The following TTC17 variants were observed in gnomAD, a reference collection of about 807,000 sequenced individuals.
TTC17 encodes tetratricopeptide repeat protein 17.
TTC17 carries 58 observed loss-of-function variants against 143.8 expected under a neutral mutation model. The observed-to-expected ratio is 0.40, with a 90% CI of 0.33 to 0.50. The LOEUF is 0.50. Ranked by LOEUF, TTC17 falls within the 20% of genes least tolerant of loss-of-function variation. The probability of loss-of-function intolerance (pLI) is 0.49; values close to 1 mark genes in which losing one functional copy is unlikely to be tolerated. For missense variants in TTC17, 1,273 were observed against 1,392.5 expected (o/e 0.91, Z 1.37); for synonymous variants, 501 against 497.8 (o/e 1.01, Z -0.09).
At chr11:43,437,846 C>G (rs1947326124) in intron 16 of TTC17, among the ~76,000 whole-genome samples, 1 of 152,178 alleles carries the variant, frequency 6.6e-6, no homozygotes, top group African/African-American at 2.4e-5. Context: ...GTTTGCTTTT[C>G]TGGGTTATCT....
chr11:43,461,115 T>C (rs1947856387), intron 21 of TTC17, among the ~76,000 whole-genome samples: 1 of 152,324 alleles, frequency 6.6e-6, no homozygotes, highest in African/African-American at 2.4e-5. Context: ...CCGGGCGCGG[T>C]GGCTCACGCC....
Position 43,493,991 on chromosome 11 carries a change from T to C in TTC17, c.*87T>C. 6.9e-7 allele frequency: 1 copy of C among 1,439,374 alleles called. No individual in the cohort carries two copies. Among genetic ancestry groups the C allele is most frequent in the African/African-American group, 1.4e-5 (1 of 70,098 alleles). 89.2% of individuals were successfully genotyped at this position (1,439,374 alleles called of 1,614,324 possible). On this transcript the variant is annotated 3_prime_UTR_variant, in exon 24 of 24. Coordinates refer to ENST00000039989, the MANE Select transcript of TTC17 (RefSeq NM_018259.6). ...AACCAATCATTGTCAGTATCTACTA[T>C]TAATGATGTGTGTGAAAATAACTAA...
intron 1 of TTC17, among the ~76,000 whole-genome samples, chr11:43,371,456 A>G (rs1856564401): frequency 6.6e-6 from 1 of 152,194 alleles, no homozygotes; most frequent in African/African-American, 2.4e-5. Flanking sequence ...CTGGTTTATT[A>G]TATTAGAAAA....
intron 16 of TTC17, chr11:43,436,182 C>A: frequency 1.4e-6 from 2 of 1,422,252 alleles, no homozygotes; most frequent in Non-Finnish European, 1.8e-6. Flanking sequence ...CATGAGAAAA[C>A]CCTGGACAAC....
intron 3 of TTC17, 112 bp from the exon 4 acceptor site, chr11:43,391,353 C>T (rs922605434): frequency 2.9e-6 from 2 of 693,012 alleles, no homozygotes; most frequent in African/African-American, 1.9e-5. Flanking sequence ...GAGCTGTGAT[C>T]ATGCCACTGC....
intron 21 of TTC17, chr11:43,486,336 C>T (rs948935666): frequency 2.7e-5 from 11 of 405,936 alleles, no homozygotes; most frequent in African/African-American, 4.0e-5. Flanking sequence ...TGTGAATCAT[C>T]GTGTAGAAGC....
At chr11:43,408,068 A>G (rs1227818463) in intron 15 of TTC17, among the ~76,000 whole-genome samples, 2 of 152,134 alleles carry the variant, frequency 1.3e-5, no homozygotes, top group East Asian at 1.9e-4. Context: ...ATGGAGTTAC[A>G]TCAGTGCTTT....
At chr11:43,379,686 A>C (rs1226410704) in intron 2 of TTC17, among the ~76,000 whole-genome samples, 2 of 152,210 alleles carry the variant, frequency 1.3e-5, no homozygotes, top group African/African-American at 2.4e-5. Flanking sequence ...GAAAAGAAAG[A>C]AAGGTTTTAA....
At chr11:43,433,239 T>G (rs1404828450) in intron 16 of TTC17, among the ~76,000 whole-genome samples, 1 of 152,184 alleles carries the variant, frequency 6.6e-6, no homozygotes, top group African/African-American at 2.4e-5. Flanking sequence ...GACCTCGTGA[T>G]CCGCCTTCCT....
chr11:43,359,104 C>T lies in TTC17; in HGVS notation c.150C>T (p.Ile50=), dbSNP rs1206680715. ...GGGTCGTCACGGAGGACGGGAAAAT[C>T]CAGCAGCAGGTAGCGGCCGGGGCGT... ...THWVVTEDGK[I]QQQVDSPMNL... The change falls in exon 1 of 24, where the codon ATC becomes ATT. Residue 50 remains isoleucine (I), a synonymous_variant. Coordinates refer to ENST00000039989, the MANE Select transcript of TTC17 (RefSeq NM_018259.6). The T allele has an allele frequency of 6.3e-7, 1 of 1,585,874 alleles. No homozygotes were observed. Among genetic ancestry groups the T allele is most frequent in the Admixed American group, 1.8e-5 (1 of 56,700 alleles).
intron 18 of TTC17, chr11:43,445,968 A>T: frequency 6.6e-7 from 1 of 1,505,066 alleles, no homozygotes; most frequent in Non-Finnish European, 8.9e-7. Flanking sequence ...TGCCATAGAC[A>T]TAATGTAACT....
chr11:43,479,410 G>C (rs757511745), intron 21 of TTC17, among the ~76,000 whole-genome samples: 2 of 152,256 alleles, frequency 1.3e-5, no homozygotes, highest in Non-Finnish European at 2.9e-5. Context: ...GTGTAAGTCA[G>C]ATATTCAGTT....
chr11:43,478,089 A>G (rs1030620294), intron 21 of TTC17, among the ~76,000 whole-genome samples: 4 of 152,220 alleles, frequency 2.6e-5, no homozygotes, highest in Admixed American at 6.5e-5. Flanking sequence ...GTGAGAAATA[A>G]CAGGGAACAA....
intron 21 of TTC17, chr11:43,468,053 TATC>T (rs1948015438): frequency 6.6e-6 from 1 of 152,128 alleles, no homozygotes; most frequent in Non-Finnish European, 1.5e-5. Flanking sequence ...CTTACTAGAA[TATC>T]ATAGCAAATT....
Position 43,399,993 on chromosome 11 carries a change from G to C in TTC17, c.1164G>C (p.Glu388Asp). The C allele has an allele frequency of 6.2e-7, 1 of 1,613,948 alleles. No homozygotes were observed. Among genetic ancestry groups the C allele is most frequent in the Non-Finnish European group, 8.5e-7 (1 of 1,179,912 alleles). Reference protein sequence around the residue: ...ILEKHKLIQEEQILRNIIHET... With the variant: ...ILEKHKLIQEDQILRNIIHET... ...AAAAACATAAACTGATTCAGGAGGA[G>C]CAAATCTTAAGAAATATCATTCATG... is the stretch of plus-strand genomic sequence containing the variant. Residue 388 changes from glutamate to aspartate, a missense_variant, in exon 9 of 24, where the codon GAG (glutamate) becomes GAC (aspartate). Physicochemically the swap from Glu to Asp is conservative, Grantham distance 45 (BLOSUM62 2). Transcript: ENST00000039989.
intron 3 of TTC17, among the ~76,000 whole-genome samples, chr11:43,390,615 C>CA (rs1156489668): frequency 0.011 from 1,401 of 126,724 alleles, 21 homozygotes; most frequent in African/African-American, 0.038. Flanking sequence ...GACTCCGTCT[C>CA]AAAAAAAATA....
chr11:43,421,392 T>G (rs910936208), intron 16 of TTC17, among the ~76,000 whole-genome samples: 1 of 152,212 alleles, frequency 6.6e-6, no homozygotes, highest in Non-Finnish European at 1.5e-5. Context: ...TTTTGATGCC[T>G]TGCAGACCAT....
chr11:43,437,710 T>A (rs532175403), intron 16 of TTC17, among the ~76,000 whole-genome samples: 1 of 152,214 alleles, frequency 6.6e-6, no homozygotes, highest in African/African-American at 2.4e-5. Flanking sequence ...AATGTAGATA[T>A]AATTGCATCT....
rs1857770778 is a variant in TTC17 at position 43,399,806 on chromosome 11, C to G, written c.1059-82C>G. 3.5e-6 allele frequency: 5 copies of G among 1,412,540 alleles called. No individual in the cohort carries two copies. In the East Asian group the frequency reaches 7.2e-5, roughly 20 times the overall value. The allele number at this position is 1,412,540 out of a possible 1,614,324, so 87.5% of individuals were successfully genotyped here. On this transcript the variant is annotated intron_variant, in intron 8 of 23. Coordinates refer to ENST00000039989, the MANE Select transcript of TTC17 (RefSeq NM_018259.6). ...ACACACAGTAATTGTTGCTGAGAAC[C>G]AGAAAAATCTGTGCATTTAAGTGGG...
Sources: gnomAD v4.1 joint callset for allele counts (sites outside exome capture counted in the v4.1 genomes callset) on GRCh38, gnomAD v4.1.1 for gene constraint, MANE v1.5 for transcripts, NCBI Gene and HGNC (gene_info 2026-07-23, HGNC 2026-07-21) for gene names.